PSMD1: variants seen among roughly 807,000 people sequenced by gnomAD.
The protein encoded by PSMD1 is 26S proteasome non-ATPase regulatory subunit 1.
A neutral mutation model predicts 119.0 loss-of-function variants in PSMD1; 18 were observed. That is an observed-to-expected ratio of 0.15 (90% confidence interval 0.10 to 0.22). PSMD1 has a LOEUF of 0.22. PSMD1 is among the 10% of genes least tolerant of loss of function. The pLI is 1.00. For synonymous variants in PSMD1, 374 were observed against 396.6 expected, an observed-to-expected ratio of 0.94 and a Z score of 0.68; for missense variants, 702 against 1,158.5, an observed-to-expected ratio of 0.61 and a Z score of 5.72.
chr2:231,113,926 G>A (rs748257668), intron 16 of PSMD1: 4 of 1,613,480 alleles, frequency 2.5e-6, no homozygotes, highest in Non-Finnish European at 3.4e-6. Flanking sequence ...GGGCCACATA[G>A]CCTCTGAAAG....
rs1328583242 is a variant in PSMD1 at position 231,109,150 on chromosome 2, A to T, written c.1883+21969A>T. The T allele has an allele frequency of 2.3e-5, 37 of 1,614,062 alleles. No homozygotes were observed. Among genetic ancestry groups the T allele is most frequent in the Non-Finnish European group, 2.9e-5 (34 of 1,180,008 alleles). ...TTTCCGGTGACGAGCAAGGTGTTTC[A>T]TCCCTTTGGAAAACTGTAGACACAG... is the stretch of plus-strand genomic sequence containing the variant. On this transcript the variant is annotated intron_variant, in intron 16 of 24. Coordinates refer to ENST00000308696, the MANE Select transcript of PSMD1 (RefSeq NM_002807.4).
At chr2:231,115,011 T>C (rs1695281793) in intron 16 of PSMD1, among the ~76,000 whole-genome samples, 1 of 152,192 alleles carries the variant, frequency 6.6e-6, no homozygotes, top group South Asian at 2.1e-4. Context: ...TAAAATGTAA[T>C]CTACTTTTCT....
At chr2:231,108,442 A>G (rs1464565890) in intron 16 of PSMD1, 3 of 1,038,900 alleles carry the variant, frequency 2.9e-6, no homozygotes, top group Non-Finnish European at 2.9e-6. Flanking sequence ...TTCTTTATAT[A>G]ATATATTCTT....
At position 231,062,184 on chromosome 2, in the gene PSMD1, G is replaced by T. The variant is rs1197264199; in HGVS notation, c.61-64G>T. On this transcript the variant is annotated intron_variant, in intron 2 of 24. Transcript: ENST00000308696. Reference sequence around the variant, plus strand: ...GATTTGATCATTGATTTGCTGAAAAGAATTTTTTAAGGAAGTGTAATGATA... The same window carrying T: ...GATTTGATCATTGATTTGCTGAAAATAATTTTTTAAGGAAGTGTAATGATA... 34 of 1,105,718 alleles carry T rather than the reference G, an allele frequency of 3.1e-5. No individual in the cohort carries two copies. In the East Asian group the frequency reaches 5.5e-4, roughly 18 times the overall value. The allele number at this position is 1,105,718 out of a possible 1,614,324, so 68.5% of individuals were successfully genotyped here. A position where few individuals can be genotyped will look rare whatever the true frequency, so the allele number is the denominator to read the frequency against.
At chr2:231,108,978 C>T (rs776080221) in intron 16 of PSMD1, 6 of 1,614,152 alleles carry the variant, frequency 3.7e-6, no homozygotes, top group Non-Finnish European at 5.1e-6. Context: ...AGGAAAAACA[C>T]AATCCCTAGG....
rs1694255481 is a variant in PSMD1, at chr2:231,079,525, T to C, written c.1161-11T>C. On this transcript the variant is annotated splice_polypyrimidine_tract_variant and intron_variant, in intron 10 of 24. Transcript: ENST00000308696. ...TTAACACTAATTAAAATACATCATC[T>C]TTTTTTACAGAGATAATTTGGAATG... 9 of 1,567,366 alleles carry C rather than the reference T, an allele frequency of 5.7e-6. No individual in the cohort carries two copies. The highest frequency in any genetic ancestry group is 7.8e-6 in the Non-Finnish European group (9 of 1,146,852).
intron 5 of PSMD1, among the ~76,000 whole-genome samples, chr2:231,069,618 A>AGT (rs1693993196): frequency 6.6e-6 from 1 of 152,202 alleles, no homozygotes. Flanking sequence ...CCAGCAAGTG[A>AGT]GTGTAGGCAG....
chr2:231,094,009 C>T (rs1694664819), intron 16 of PSMD1, among the ~76,000 whole-genome samples: 2 of 152,140 alleles, frequency 1.3e-5, no homozygotes, highest in Admixed American at 6.5e-5. Context: ...AGTATGTGCA[C>T]TAATTAACTG....
intron 16 of PSMD1, chr2:231,124,922 A>G (rs551144782): frequency 6.9e-6 from 1 of 144,316 alleles, no homozygotes; most frequent in East Asian, 2.0e-4. Context: ...CTTGAAGATT[A>G]AAAAAAAAAA....
Position 231,057,005 on chromosome 2 carries a change from G to A in PSMD1, c.-21G>A, listed in dbSNP as rs1233578505. On this transcript the variant is annotated 5_prime_UTR_variant, in exon 1 of 25. Transcript: ENST00000308696. ...CAGCTGGAACGGCGAGCGAGCCGAC[G>A]GGCGAGTGAGGGGCGCAGCCATGAT... 1 of 1,540,058 alleles carries A rather than the reference G, an allele frequency of 6.5e-7. No homozygotes were observed. The highest frequency in any genetic ancestry group is 1.2e-5 in the South Asian group (1 of 83,862).
Position 231,088,416 on chromosome 2 carries a change from T to G in PSMD1, c.1883+1235T>G, listed in dbSNP as rs147105547. 1.3e-3 allele frequency among the ~76,000 whole-genome samples: 204 copies of G among 152,358 alleles called. 1 individual carries two copies. The highest frequency in any genetic ancestry group is 4.6e-3 in the African/African-American group (190 of 41,586). ...CATTTGTTTAAAAATTGAAGGTTTGTGACAAGCCTGCATCAAGCAAGTCTA... is the reference window on the plus strand; with the variant it reads ...CATTTGTTTAAAAATTGAAGGTTTGGGACAAGCCTGCATCAAGCAAGTCTA... On this transcript the variant is annotated intron_variant, in intron 16 of 24. Coordinates refer to ENST00000308696, the MANE Select transcript of PSMD1 (RefSeq NM_002807.4).
intron 16 of PSMD1, chr2:231,125,066 T>C (rs1695686746): frequency 6.6e-6 from 1 of 152,226 alleles, no homozygotes; most frequent in South Asian, 2.1e-4. Context: ...CATTGACTTA[T>C]TCTGAGCCTC....
At chr2:231,153,938 A>G (rs1478172424) in intron 19 of PSMD1, among the ~76,000 whole-genome samples, 1 of 151,392 alleles carries the variant, frequency 6.6e-6, no homozygotes, top group African/African-American at 2.4e-5. Flanking sequence ...ACATGGAGAA[A>G]CCCCATCTCT....
intron 1 of PSMD1, 52 bp downstream of exon 1, chr2:231,057,093 G>C: frequency 6.8e-7 from 1 of 1,474,924 alleles, no homozygotes; most frequent in Non-Finnish European, 9.0e-7. Context: ...CGCCGCGCCG[G>C]CTTTTAGCTG....
In PSMD1 at chr2:231,069,998, G is replaced by A. The variant is rs190419843; in HGVS notation, c.511-27G>A. On this transcript the variant is annotated intron_variant, in intron 5 of 24. Coordinates refer to ENST00000308696, the MANE Select transcript of PSMD1 (RefSeq NM_002807.4). ...TATAATGCTGCAATAACCAGATAAC[G>A]TTATATCTTTAAACTATCTCTTTCA... is the stretch of plus-strand genomic sequence containing the variant. 9.1e-4 allele frequency: 1,242 copies of A among 1,361,298 alleles called. 1 individual carries two copies. Among genetic ancestry groups the A allele is most frequent in the Non-Finnish European group, 7.3e-4 (758 of 1,039,070 alleles). The allele number at this position is 1,361,298 out of a possible 1,614,324, so 84.3% of individuals were successfully genotyped here.
intron 23 of PSMD1, among the ~76,000 whole-genome samples, chr2:231,167,841 A>G (rs987499418): frequency 6.6e-6 from 1 of 152,264 alleles, no homozygotes; most frequent in South Asian, 2.1e-4. Context: ...ATTTGAATAG[A>G]CATTTCTCCA....
chr2:231,086,394 C>T (rs1406880835), intron 15 of PSMD1, among the ~76,000 whole-genome samples: 2 of 152,166 alleles, frequency 1.3e-5, no homozygotes, highest in Non-Finnish European at 2.9e-5. Flanking sequence ...TGGTGGCGTA[C>T]ACCAGTAATC....
At chr2:231,082,112 G>A (rs1694322330) in intron 12 of PSMD1, among the ~76,000 whole-genome samples, 1 of 152,124 alleles carries the variant, frequency 6.6e-6, no homozygotes, top group Non-Finnish European at 1.5e-5. Flanking sequence ...ACCCAGGCTG[G>A]AGTGCAGTGG....
At chr2:231,130,045 G>T (rs907385635) in intron 16 of PSMD1, among the ~76,000 whole-genome samples, 4 of 152,112 alleles carry the variant, frequency 2.6e-5, no homozygotes, top group African/African-American at 9.7e-5. Context: ...GTAGAGACGG[G>T]CTTCACTGTG....
Sources: gnomAD v4.1 joint callset for allele counts (sites outside exome capture counted in the v4.1 genomes callset) on GRCh38, gnomAD v4.1.1 for gene constraint, MANE v1.5 for transcripts, NCBI Gene and HGNC (gene_info 2026-07-23, HGNC 2026-07-21) for gene names.